The following DPP6 variants were observed in gnomAD, a reference collection of about 807,000 sequenced individuals.
The protein encoded by DPP6 is dipeptidyl peptidase like 6.
Under a neutral mutation model 122.6 loss-of-function variants are expected in DPP6, and 69 were observed. The ratio of observed to expected loss-of-function variants is 0.56; its 90% CI spans 0.46 to 0.69. The LOEUF (loss-of-function observed/expected upper bound fraction) is 0.69, where lower values mean the gene tolerates loss of function less well. Among genes scored for constraint, DPP6 ranks in the 30% least tolerant of loss-of-function variants. The pLI is 0.00. For missense variants in DPP6, 928 were observed against 1,116.9 expected, an observed-to-expected ratio of 0.83 and a Z score of 2.41; for synonymous variants, 418 against 433.1, an observed-to-expected ratio of 0.97 and a Z score of 0.43.
At chr7:153,928,395 C>CCTTTTTTTTTTTTTTTTTTTTT (rs1467865041) in intron 1 of DPP6, among the ~76,000 whole-genome samples, 1 of 29,996 alleles carries the variant, frequency 3.3e-5, no homozygotes, top group African/African-American at 1.3e-4. Flanking sequence ...TCTTTTCTTT[C>CCTTTTTTTTTTTTTTTTTTTTT]ATTTTTTTTT....
In DPP6 at chr7:154,234,221, C is replaced by G. The variant is rs190479154; in HGVS notation, c.243+181158C>G. 3.3e-4 allele frequency among the ~76,000 whole-genome samples: 51 copies of G among 152,252 alleles called. 1 individual carries two copies. In the East Asian group the frequency reaches 8.9e-3, roughly 27 times the overall value. On this transcript the variant is annotated intron_variant, in intron 1 of 25. Transcript: ENST00000377770. ...TGACAACTTGAAAATGAGTCTCTTC[C>G]TCATTCAGGTAGCTTTGGTGCTTTG...
At position 154,729,165 on chromosome 7, in the gene DPP6, C is replaced by T. The variant is rs1437440413; in HGVS notation, c.883+1278C>T. Among the ~76,000 whole-genome samples the T allele has an allele frequency of 4.6e-5, 7 of 152,174 alleles. No homozygotes were observed. The East Asian group carries it at 5.8e-4, about 13-fold the overall frequency. On this transcript the variant is annotated intron_variant, in intron 8 of 25. Transcript: ENST00000377770. ...GAATTCCACATGTGGCTACAGTAAC[C>T]GTATGCTTTCCAGCATGGGGCTGAT...
chr7:153,882,689 T>C (rs1281941910), upstream of DPP6, among the ~76,000 whole-genome samples: 1 of 152,188 alleles, frequency 6.6e-6, no homozygotes, highest in Non-Finnish European at 1.5e-5. Flanking sequence ...CTGCCAGAAT[T>C]AAACACATGC....
the DPP6 span, among the ~76,000 whole-genome samples, chr7:153,796,527 C>A: frequency 4.0e-5 from 6 of 151,842 alleles, no homozygotes; most frequent in African/African-American, 1.5e-4. Context: ...AACCTTTAAA[C>A]CCTTGAAATG....
intron 1 of DPP6, among the ~76,000 whole-genome samples, chr7:154,354,671 T>G (rs1811131158): frequency 6.6e-6 from 1 of 152,214 alleles, no homozygotes. Context: ...GCATCTAGCT[T>G]AATTTGCCTA....
intron 1 of DPP6, among the ~76,000 whole-genome samples, chr7:154,233,560 A>G (rs1270079769): frequency 6.6e-6 from 1 of 152,188 alleles, no homozygotes; most frequent in Non-Finnish European, 1.5e-5. Flanking sequence ...GGAAATTTGG[A>G]CACAGACACC....
At chr7:154,859,694 T>G (rs1803180112) in intron 17 of DPP6, among the ~76,000 whole-genome samples, 1 of 152,224 alleles carries the variant, frequency 6.6e-6, no homozygotes. Context: ...GTAATTATGG[T>G]TGGGACCAAC....
chr7:154,211,368 C>T (rs1009612367), intron 1 of DPP6, among the ~76,000 whole-genome samples: 1 of 152,132 alleles, frequency 6.6e-6, no homozygotes, highest in Non-Finnish European at 1.5e-5. Flanking sequence ...GAGGATTCCA[C>T]ACCTGAGTCA....
intron 1 of DPP6, among the ~76,000 whole-genome samples, chr7:154,358,590 CCTCTGGGAGAGTTGCA>C (rs1386243771): frequency 6.6e-6 from 1 of 152,160 alleles, no homozygotes; most frequent in African/African-American, 2.4e-5. Context: ...TTCCCTAGGA[CCTCTGGGAGAGTTGCA>C]CTTATCCTAT....
intron 8 of DPP6, among the ~76,000 whole-genome samples, chr7:154,735,451 C>T (rs75095751): frequency 0.022 from 3,421 of 152,308 alleles, 72 homozygotes; most frequent in South Asian, 0.048. Context: ...CAGTGTCTGG[C>T]GAAGCTATCA....
intron 8 of DPP6, among the ~76,000 whole-genome samples, chr7:154,753,279 G>A (rs533992729): frequency 3.3e-5 from 5 of 152,206 alleles, no homozygotes; most frequent in Middle Eastern, 6.8e-3. Flanking sequence ...ATACGCTGGG[G>A]TACAAAGGGT....
chr7:154,809,395 A>T (rs1798901838), intron 16 of DPP6, among the ~76,000 whole-genome samples: 1 of 152,202 alleles, frequency 6.6e-6, no homozygotes, highest in South Asian at 2.1e-4. Context: ...TGTGGATCCC[A>T]CCAGGTTATC....
At chr7:154,522,515 G>A (rs1827078896) in intron 3 of DPP6, among the ~76,000 whole-genome samples, 1 of 152,198 alleles carries the variant, frequency 6.6e-6, no homozygotes, top group African/African-American at 2.4e-5. Flanking sequence ...TGTCAAGGCT[G>A]TACCACCTTG....
chr7:154,513,685 C>T (rs1010073742), intron 3 of DPP6, among the ~76,000 whole-genome samples: 18 of 152,248 alleles, frequency 1.2e-4, no homozygotes, highest in South Asian at 8.3e-4. Context: ...ACTGATTCCA[C>T]CACAAGCTCC....
chr7:154,260,536 G>A (rs1181277950), intron 1 of DPP6, among the ~76,000 whole-genome samples: 1 of 151,722 alleles, frequency 6.6e-6, no homozygotes, highest in Non-Finnish European at 1.5e-5. Context: ...CCATTTATGA[G>A]TGAGAACATA....
chr7:154,314,364 A>C (rs1242785865), intron 1 of DPP6, among the ~76,000 whole-genome samples: 1 of 152,220 alleles, frequency 6.6e-6, no homozygotes, highest in Non-Finnish European at 1.5e-5. Flanking sequence ...TGCTACTTGA[A>C]TCTTCTTATT....
At position 154,481,428 on chromosome 7, in the gene DPP6, C is replaced by G. The variant is rs1371166907; in HGVS notation, c.457+6391C>G. Among the ~76,000 whole-genome samples the G allele has an allele frequency of 6.6e-6, 1 of 151,046 alleles. No individual in the cohort carries two copies. The highest frequency in any genetic ancestry group is 1.5e-5 in the Non-Finnish European group (1 of 67,908). ...CTAATTTCCATGTCCACTGCAGTAT[C>G]TTACATTCACCTCACATCCTCATGC... On this transcript the variant is annotated intron_variant, in intron 3 of 25. Coordinates refer to ENST00000377770, the MANE Select transcript of DPP6 (RefSeq NM_130797.4). This position sits in a 1 kb window ranked among gnomAD's most constrained non-coding sequence, Gnocchi z 4.2.
intron 16 of DPP6, among the ~76,000 whole-genome samples, chr7:154,832,525 A>G (rs1282341133): frequency 1.3e-5 from 2 of 152,068 alleles, no homozygotes; most frequent in Non-Finnish European, 1.5e-5. Flanking sequence ...GCCACCACCC[A>G]TTTTACAGAT....
Position 154,540,515 on chromosome 7 carries a change from T to C in DPP6, c.458-17T>C. The C allele has an allele frequency of 6.5e-7, 1 of 1,529,196 alleles. No individual in the cohort carries two copies. Among genetic ancestry groups the C allele is most frequent in the Non-Finnish European group, 9.0e-7 (1 of 1,107,640 alleles). The allele number at this position is 1,529,196 out of a possible 1,614,324, so 94.7% of individuals were successfully genotyped here. A position where few individuals can be genotyped will look rare whatever the true frequency, so the allele number is the denominator to read the frequency against. On this transcript the variant is annotated splice_polypyrimidine_tract_variant and intron_variant, in intron 3 of 25. Transcript: ENST00000377770. ...CTTGATGTTTCATGTGGTTTTTTTC[T>C]ACTTCCTCTCTTACAGATACAGAAT... is the stretch of plus-strand genomic sequence containing the variant.
Sources: gnomAD v4.1 joint callset for allele counts (sites outside exome capture counted in the v4.1 genomes callset) on GRCh38, gnomAD v4.1.1 for gene constraint, Gnocchi (gnomAD v3.1) non-coding constraint, MANE v1.5 for transcripts, NCBI Gene and HGNC (gene_info 2026-07-23, HGNC 2026-07-21) for gene names.